Variants in CHN1 observed in about 807,000 individuals in gnomAD.
CHN1 encodes the protein N-chimaerin.
A neutral mutation model predicts 59.5 loss-of-function variants in CHN1; 37 were observed. The observed-to-expected ratio is 0.62, with a 90% CI of 0.48 to 0.82. CHN1 has a LOEUF of 0.82. Ranked by LOEUF, CHN1 falls within the 40% of genes least tolerant of loss-of-function variation. The pLI is 0.00. For missense variants in CHN1, 469 were observed against 571.0 expected, an observed-to-expected ratio of 0.82 and a Z score of 1.82; for synonymous variants, 206 against 200.4, an observed-to-expected ratio of 1.03 and a Z score of -0.24.
chr2:174,850,901 T>C lies in CHN1; in HGVS notation c.550-3944A>G, dbSNP rs186192276. Among the ~76,000 whole-genome samples, 9 of 152,306 alleles carry C rather than the reference T, an allele frequency of 5.9e-5. No homozygotes were observed. In the East Asian group the frequency reaches 1.3e-3, roughly 23 times the overall value. On this transcript the variant is annotated intron_variant, in intron 6 of 12. Coordinates refer to ENST00000409900, the MANE Select transcript of CHN1 (RefSeq NM_001822.7). Reference sequence around the variant, plus strand: ...TGCTTGATGCTTCCCAAGGCTGTCTTATCTATTGTACCCACAGCCATCCTG... The same window carrying C: ...TGCTTGATGCTTCCCAAGGCTGTCTCATCTATTGTACCCACAGCCATCCTG...
At chr2:174,869,390 A>G (rs1687331042) in intron 6 of CHN1, among the ~76,000 whole-genome samples, 1 of 152,210 alleles carries the variant, frequency 6.6e-6, no homozygotes, top group Non-Finnish European at 1.5e-5. Context: ...GCTTATAATA[A>G]ATAAAAAGAG....
Position 174,861,586 on chromosome 2 carries a change from AG to A in CHN1, c.550-14630del, listed in dbSNP as rs558707549. ...TGTCTTTTATCTAGGTTATTCAAAA[AG>A]TAATGGCAGGTCAGAGGTGCTAACA... On this transcript the variant is annotated intron_variant, in intron 6 of 12. Transcript: ENST00000409900. 1.2e-4 allele frequency among the ~76,000 whole-genome samples: 19 copies of A among 152,356 alleles called. 1 individual carries two copies. The South Asian group carries it at 3.5e-3, about 28-fold the overall frequency.
At chr2:174,955,311 T>C (rs529109000) in intron 1 of CHN1, among the ~76,000 whole-genome samples, 7 of 151,640 alleles carry the variant, frequency 4.6e-5, no homozygotes, top group East Asian at 1.9e-4. Context: ...AATGAAATAA[T>C]GGCATTTGCA....
At chr2:175,004,664 C>G (rs1050372879) in intron 1 of CHN1, among the ~76,000 whole-genome samples, 9 of 152,132 alleles carry the variant, frequency 5.9e-5, no homozygotes, top group Non-Finnish European at 1.3e-4. Flanking sequence ...GCCTCCCAGC[C>G]GAGAATTGGC....
At chr2:175,004,471 C>T (rs1314612273) in intron 1 of CHN1, among the ~76,000 whole-genome samples, 1 of 152,110 alleles carries the variant, frequency 6.6e-6, no homozygotes, top group African/African-American at 2.4e-5. Context: ...CAGGAAGCAA[C>T]ACATGCATTT....
intron 1 of CHN1, among the ~76,000 whole-genome samples, chr2:174,965,576 T>G (rs904592386): frequency 7.9e-5 from 12 of 152,320 alleles, no homozygotes; most frequent in African/African-American, 2.9e-4. Context: ...AAATTGTGAT[T>G]TAGGTTTTAA....
At chr2:174,962,341 A>G (rs1234694210) in intron 1 of CHN1, among the ~76,000 whole-genome samples, 1 of 152,088 alleles carries the variant, frequency 6.6e-6, no homozygotes, top group African/African-American at 2.4e-5. Context: ...AAATACAAAA[A>G]TTAGGAAGAG....
At chr2:174,841,390 G>C (rs1461444914) in intron 7 of CHN1, among the ~76,000 whole-genome samples, 1 of 152,150 alleles carries the variant, frequency 6.6e-6, no homozygotes, top group East Asian at 1.9e-4. Context: ...GTCATTTTTG[G>C]CTTCTGCAGC....
At chr2:174,888,532 T>C (rs2105344492) in intron 5 of CHN1, among the ~76,000 whole-genome samples, 1 of 152,272 alleles carries the variant, frequency 6.6e-6, no homozygotes, top group South Asian at 2.1e-4. Context: ...GTGCATTTAA[T>C]AAGATAAGGG....
chr2:174,960,399 C>CT (rs1038907339), intron 1 of CHN1, among the ~76,000 whole-genome samples: 8 of 152,082 alleles, frequency 5.3e-5, no homozygotes, highest in African/African-American at 1.7e-4. Flanking sequence ...ATGAAAAGGA[C>CT]TTTACCTTTT....
At chr2:174,860,397 T>C (rs116693238) in intron 6 of CHN1, among the ~76,000 whole-genome samples, 1,802 of 152,186 alleles carry the variant, frequency 0.012, 25 homozygotes, top group African/African-American at 0.041. Flanking sequence ...TAAAAGAATA[T>C]AATGTAAAAA....
chr2:174,834,920 TAAGAG>T (rs1001950257), intron 7 of CHN1, among the ~76,000 whole-genome samples: 8 of 152,184 alleles, frequency 5.3e-5, no homozygotes, highest in Non-Finnish European at 1.0e-4. Flanking sequence ...AAATAAAACT[TAAGAG>T]AAACCAAACG....
At chr2:174,811,103 C>T (rs576874985) in intron 10 of CHN1, 299 of 153,858 alleles carry the variant, frequency 1.9e-3, no homozygotes, top group Middle Eastern at 6.7e-3. Context: ...CTCAGCTAAT[C>T]GAAGATGGTG....
At chr2:174,932,251 T>C (rs747058333) in intron 3 of CHN1, among the ~76,000 whole-genome samples, 3 of 152,208 alleles carry the variant, frequency 2.0e-5, no homozygotes, top group South Asian at 4.1e-4. Flanking sequence ...AACATTCCTG[T>C]ATATGTACTC....
At chr2:174,969,095 G>A (rs1404374647) in intron 1 of CHN1, among the ~76,000 whole-genome samples, 2 of 152,102 alleles carry the variant, frequency 1.3e-5, no homozygotes, top group African/African-American at 4.8e-5. Flanking sequence ...GAAAAATCCT[G>A]CATTCCAGCA....
chr2:174,884,791 G>C (rs968748142), intron 5 of CHN1, among the ~76,000 whole-genome samples: 1 of 152,186 alleles, frequency 6.6e-6, no homozygotes, highest in South Asian at 2.1e-4. Flanking sequence ...TTTCCCTCTT[G>C]AAAATTGTTA....
chr2:174,894,273 A>G (rs1200533137), intron 5 of CHN1, among the ~76,000 whole-genome samples: 1 of 152,122 alleles, frequency 6.6e-6, no homozygotes, highest in East Asian at 1.9e-4. Context: ...CTATAACTCA[A>G]TAACCAAAAA....
intron 5 of CHN1, among the ~76,000 whole-genome samples, chr2:174,906,822 C>A (rs1688556323): frequency 6.6e-6 from 1 of 152,244 alleles, no homozygotes. Flanking sequence ...TAACCCTTAA[C>A]ATTTTTTTCT....
intron 1 of CHN1, among the ~76,000 whole-genome samples, chr2:174,959,927 A>G (rs1293868022): frequency 6.6e-6 from 1 of 152,208 alleles, no homozygotes; most frequent in Non-Finnish European, 1.5e-5. Context: ...TGGCAGTTCA[A>G]GCAACTATTG....
Sources: gnomAD v4.1 joint callset for allele counts (sites outside exome capture counted in the v4.1 genomes callset) on GRCh38, gnomAD v4.1.1 for gene constraint, MANE v1.5 for transcripts, NCBI Gene and HGNC (gene_info 2026-07-23, HGNC 2026-07-21) for gene names.